PTPRT: variants seen among roughly 807,000 people sequenced by gnomAD.
PTPRT encodes the protein protein tyrosine phosphatase receptor type T, also known as receptor-type tyrosine-protein phosphatase T.
A neutral mutation model predicts 176.8 loss-of-function variants in PTPRT; 56 were observed. The ratio of observed to expected loss-of-function variants is 0.32; its 90% confidence interval spans 0.26 to 0.40. PTPRT has a LOEUF of 0.40. Ranked by LOEUF, PTPRT falls within the 10% of genes least tolerant of loss-of-function variation. The probability of loss-of-function intolerance (pLI) is 1.00; values close to 1 mark genes in which losing one functional copy is unlikely to be tolerated. For synonymous variants in PTPRT, 783 were observed against 739.0 expected (o/e 1.06, Z -0.96); for missense variants, 1,540 against 1,908.2 (o/e 0.81, Z 3.60).
chr20:42,824,377 A>G (rs769921427), intron 2 of PTPRT, among the ~76,000 whole-genome samples: 6 of 152,082 alleles, frequency 3.9e-5, no homozygotes, highest in Admixed American at 6.6e-5. Context: ...TTAAATACCT[A>G]GTAAAGCCAC....
intron 6 of PTPRT, among the ~76,000 whole-genome samples, chr20:42,728,268 C>T (rs1376328576): frequency 6.6e-6 from 1 of 152,160 alleles, no homozygotes; most frequent in African/African-American, 2.4e-5. Flanking sequence ...TCCTAAACCC[C>T]ACCCTCAGAT....
chr20:42,160,216 T>C (rs1989529868), intron 17 of PTPRT, among the ~76,000 whole-genome samples: 1 of 151,340 alleles, frequency 6.6e-6, no homozygotes, highest in Admixed American at 6.6e-5. Context: ...ACTCAAAAGA[T>C]ATTTTAGGAA....
intron 1 of PTPRT, among the ~76,000 whole-genome samples, chr20:43,113,185 C>T (rs1418542513): frequency 6.6e-6 from 1 of 152,100 alleles, no homozygotes; most frequent in African/African-American, 2.4e-5. Context: ...CTTCTCTCAT[C>T]AAGGGAAGGG....
intron 7 of PTPRT, among the ~76,000 whole-genome samples, chr20:42,584,670 C>T (rs1004252635): frequency 5.9e-5 from 9 of 152,182 alleles, no homozygotes; most frequent in Non-Finnish European, 1.0e-4. Flanking sequence ...TAGACCTCCT[C>T]TCCTCCCCAC....
intron 12 of PTPRT, among the ~76,000 whole-genome samples, chr20:42,304,573 A>G (rs907585731): frequency 2.5e-4 from 38 of 152,208 alleles, no homozygotes; most frequent in African/African-American, 8.9e-4. Flanking sequence ...GTGACAATCT[A>G]TGCAACAGGA....
intron 5 of PTPRT, among the ~76,000 whole-genome samples, chr20:42,769,892 A>T (rs748516217): frequency 1.3e-5 from 2 of 152,244 alleles, no homozygotes; most frequent in Non-Finnish European, 2.9e-5. Context: ...TTTATATAAA[A>T]TTCTAGAACA....
rs1364873796 is a variant in PTPRT at position 42,184,575 on chromosome 20, T to TCTTCTTCTTCTG, written c.2491+14664_2491+14665insCAGAAGAAGAAG. Among the ~76,000 whole-genome samples the TCTTCTTCTTCTG allele has an allele frequency of 8.9e-4, 123 of 138,960 alleles. 2 individuals are homozygous for TCTTCTTCTTCTG. The highest frequency in any genetic ancestry group is 3.2e-3 in the African/African-American group (117 of 36,236). 91.2% of individuals were successfully genotyped at this position (138,960 alleles called of 152,430 possible). On this transcript the variant is annotated intron_variant, in intron 16 of 30. Coordinates refer to ENST00000373187, the MANE Select transcript of PTPRT (RefSeq NM_007050.6). The stretch of plus-strand genomic sequence containing the variant: ...TTCTTCTTCTTATTCTTCTTCTTCT[T>TCTTCTTCTTCTG]CTTCTTCTTCTTCTTCTTCCTCTTC...
At chr20:43,126,104 C>A (rs1431467850) in intron 1 of PTPRT, among the ~76,000 whole-genome samples, 2 of 152,086 alleles carry the variant, frequency 1.3e-5, no homozygotes, top group East Asian at 3.8e-4. Context: ...AATCCCAGCA[C>A]TTTGGGAGGC....
chr20:43,070,681 T>C (rs1056691572), intron 1 of PTPRT, among the ~76,000 whole-genome samples: 6 of 152,134 alleles, frequency 3.9e-5, no homozygotes, highest in African/African-American at 1.2e-4. Context: ...TGTAGGGACA[T>C]GGATGAAGCT....
intron 18 of PTPRT, among the ~76,000 whole-genome samples, chr20:42,134,406 G>A (rs1480195590): frequency 1.3e-5 from 2 of 152,174 alleles, no homozygotes; most frequent in African/African-American, 2.4e-5. Context: ...ATGAGGCGAG[G>A]GGAAGGTGCA....
intron 11 of PTPRT, among the ~76,000 whole-genome samples, chr20:42,346,074 T>C (rs999119593): frequency 4.6e-5 from 7 of 152,142 alleles, no homozygotes; most frequent in African/African-American, 1.7e-4. Flanking sequence ...CCAGCAAGCA[T>C]ATCCTGGCGG....
At chr20:42,730,570 T>C (rs1219994397) in intron 6 of PTPRT, among the ~76,000 whole-genome samples, 1 of 152,182 alleles carries the variant, frequency 6.6e-6, no homozygotes, top group Non-Finnish European at 1.5e-5. Flanking sequence ...TTGCAGTCAA[T>C]GTCTGAGGAA....
intron 9 of PTPRT, among the ~76,000 whole-genome samples, chr20:42,411,932 G>C (rs1383363067): frequency 6.6e-6 from 1 of 152,040 alleles, no homozygotes; most frequent in African/African-American, 2.4e-5. Context: ...AATCAACCTA[G>C]ACCCATACCT....
chr20:42,317,801 C>T (rs1371376265), intron 11 of PTPRT, among the ~76,000 whole-genome samples: 2 of 152,192 alleles, frequency 1.3e-5, no homozygotes, highest in Non-Finnish European at 2.9e-5. Context: ...GAAAAGGAAG[C>T]GCTGGGCATA....
At chr20:42,978,501 T>C (rs575649994) in intron 1 of PTPRT, among the ~76,000 whole-genome samples, 1 of 152,194 alleles carries the variant, frequency 6.6e-6, no homozygotes, top group Non-Finnish European at 1.5e-5. Context: ...TATCACTTTA[T>C]CACCACCAAT....
the PTPRT span, among the ~76,000 whole-genome samples, chr20:42,043,763 T>C: frequency 3.3e-5 from 5 of 152,234 alleles, no homozygotes; most frequent in African/African-American, 1.2e-4. Flanking sequence ...GACACTTTTA[T>C]CATCTTACAG....
intron 17 of PTPRT, among the ~76,000 whole-genome samples, chr20:42,151,239 C>A (rs968403076): frequency 1.3e-5 from 2 of 151,898 alleles, no homozygotes; most frequent in Non-Finnish European, 2.9e-5. Flanking sequence ...CACCTATCAA[C>A]CTATCATCTA....
Position 42,118,509 on chromosome 20 carries a change from A to G in PTPRT, c.2885-9T>C, listed in dbSNP as rs1229528083. The G allele has an allele frequency of 6.2e-7, 1 of 1,600,804 alleles. No homozygotes were observed. Among genetic ancestry groups the G allele is most frequent in the Non-Finnish European group, 8.5e-7 (1 of 1,173,100 alleles). On this transcript the variant is annotated splice_polypyrimidine_tract_variant and intron_variant, in intron 20 of 30. Transcript: ENST00000373187. ...AGTCTCCTGCATCGGACCTGCCAACAGAGAAGACAGTGAGGTTAGAGAATG... is the reference window on the plus strand; with the variant it reads ...AGTCTCCTGCATCGGACCTGCCAACGGAGAAGACAGTGAGGTTAGAGAATG...
chr20:42,564,478 C>T (rs367741040), intron 7 of PTPRT, among the ~76,000 whole-genome samples: 1 of 152,116 alleles, frequency 6.6e-6, no homozygotes, highest in African/African-American at 2.4e-5. Flanking sequence ...AACACAGGAA[C>T]AGAAAACCAA....
Sources: gnomAD v4.1 joint callset for allele counts (sites outside exome capture counted in the v4.1 genomes callset) on GRCh38, gnomAD v4.1.1 for gene constraint, MANE v1.5 for transcripts, NCBI Gene and HGNC (gene_info 2026-07-23, HGNC 2026-07-21) for gene names.